Variants in RASSF4 observed in about 807,000 individuals in gnomAD.
The protein encoded by RASSF4 is Ras association domain family member 4.
A neutral mutation model predicts 41.1 loss-of-function variants in RASSF4; 38 were observed. The observed-to-expected ratio is 0.92, with a 90% CI of 0.71 to 1.21. RASSF4 has a LOEUF of 1.21. Ranked by LOEUF, RASSF4 falls within the 50% of genes most tolerant of loss-of-function variation. RASSF4 has a pLI of 0.00. For synonymous variants in RASSF4, 179 were observed against 163.4 expected (o/e 1.10, Z -0.73); for missense variants, 414 against 419.4 (o/e 0.99, Z 0.11).
intron 3 of RASSF4, chr10:44,977,881 G>C: frequency 6.2e-7 from 1 of 1,612,464 alleles, no homozygotes; most frequent in South Asian, 1.1e-5. Flanking sequence ...GCACAGAGGT[G>C]GGCTGTGCCA....
intron 3 of RASSF4, among the ~76,000 whole-genome samples, chr10:44,974,954 C>A (rs1841341005): frequency 6.6e-6 from 1 of 152,240 alleles, no homozygotes; most frequent in Admixed American, 6.5e-5. Context: ...AGGGCTTTAG[C>A]CAGGCTGGCT....
At chr10:44,978,674 T>A (rs1285007503) in intron 3 of RASSF4, 1 of 152,210 alleles carries the variant, frequency 6.6e-6, no homozygotes, top group Non-Finnish European at 1.5e-5. Flanking sequence ...GACAGTCCAG[T>A]CCAAAGGAAG....
rs550166847 is a variant in RASSF4 at position 44,961,953 on chromosome 10, A to G, written c.-39+2087A>G. On this transcript the variant is annotated intron_variant, in intron 1 of 10. Coordinates refer to ENST00000340258, the MANE Select transcript of RASSF4 (RefSeq NM_032023.4). The stretch of plus-strand genomic sequence containing the variant: ...TTATTTTTGTAAAAGAGAAACTTGT[A>G]GTTCCCGGGGTCTCCTTTTCTGGCT... Among the ~76,000 whole-genome samples the G allele has an allele frequency of 1.4e-3, 219 of 152,258 alleles. 2 individuals carry two copies. The highest frequency in any genetic ancestry group is 2.5e-3 in the Non-Finnish European group (167 of 68,042).
At chr10:44,991,187 C>T in intron 9 of RASSF4, 118 bp downstream of exon 9, 3 of 997,568 alleles carry the variant, frequency 3.0e-6, no homozygotes, top group Non-Finnish European at 4.2e-6. Flanking sequence ...GAGCTCCACA[C>T]TCTCCCAAAG....
intron 2 of RASSF4, 162 bp from the exon 3 acceptor site, chr10:44,971,611 C>G (rs1841170559): frequency 1.4e-6 from 1 of 721,512 alleles, no homozygotes; most frequent in South Asian, 1.4e-5. Flanking sequence ...CATCCGGGTG[C>G]ATTGCGATGG....
rs1564462852 is a variant in RASSF4, at chr10:44,982,620, C to T, written c.238C>T (p.Leu80Phe). 1 of 1,613,304 alleles carries T rather than the reference C, an allele frequency of 6.2e-7. No individual in the cohort carries two copies. Among genetic ancestry groups the T allele is most frequent in the Non-Finnish European group, 8.5e-7 (1 of 1,179,520 alleles). ...QMQDDREQVH[L>F]PSTSWMPRRP... is the part of the protein sequence containing the mutation. ...GCAGGATGACCGGGAGCAGGTGCAC[C>T]TCCCCTCCACCTCATGGATGCCCAG... The change falls in exon 4 of 11, where the codon CTC becomes TTC. Residue 80 changes from leucine (L) to phenylalanine (F), a missense_variant. Transcript: ENST00000340258.
chr10:44,966,590 A>C (rs1840911457), intron 1 of RASSF4, among the ~76,000 whole-genome samples: 1 of 152,224 alleles, frequency 6.6e-6, no homozygotes, highest in Non-Finnish European at 1.5e-5. Context: ...ATATCCAAGA[A>C]GATTCCTGGA....
chr10:44,965,499 G>A (rs1463120832), intron 1 of RASSF4, among the ~76,000 whole-genome samples: 1 of 152,164 alleles, frequency 6.6e-6, no homozygotes, highest in Non-Finnish European at 1.5e-5. Context: ...TATATGTTGG[G>A]GATAAAATAT....
In RASSF4 at chr10:44,991,013, A is replaced by T; in HGVS notation, c.751A>T (p.Lys251Ter). The T allele has an allele frequency of 6.2e-7, 1 of 1,613,904 alleles. No individual in the cohort carries two copies. Among genetic ancestry groups the T allele is most frequent in the East Asian group, 2.2e-5 (1 of 44,864 alleles). Residue 251 changes from lysine to a stop codon, truncating the protein, a stop_gained, in exon 9 of 11, where the codon AAG (lysine) becomes TAG (stop). Coordinates refer to ENST00000340258, the MANE Select transcript of RASSF4 (RefSeq NM_032023.4). LOFTEE classifies it high-confidence loss of function. ...ISRILHGPCEKIARIFLMEAD... is the reference protein window; with the variant it reads ...ISRILHGPCE ...CAGAATCCTGCATGGGCCATGTGAG[A>T]AGATCGCCAGGATCTTCCTGATGGA...
chr10:44,972,120 T>C (rs549186880), intron 3 of RASSF4, among the ~76,000 whole-genome samples: 1 of 152,238 alleles, frequency 6.6e-6, no homozygotes, highest in South Asian at 2.1e-4. Flanking sequence ...TCTTCCCCCT[T>C]TCCCCTTCCC....
rs1564458208 is a variant in RASSF4 at position 44,977,201 on chromosome 10, A to G, written c.139-5320A>G. 17 of 673,626 alleles carry G rather than the reference A, an allele frequency of 2.5e-5. No homozygotes were observed. The South Asian group carries it at 4.2e-4, about 17-fold the overall frequency. 41.7% of individuals were successfully genotyped at this position (673,626 alleles called of 1,614,324 possible). ...GGTCAGAGCGAACGGGATTGGTAAC[A>G]TCTCCTCATGTGAAACAGGCTGTTA... is the stretch of plus-strand genomic sequence containing the variant. On this transcript the variant is annotated intron_variant, in intron 3 of 10. Coordinates refer to ENST00000340258, the MANE Select transcript of RASSF4 (RefSeq NM_032023.4).
At chr10:44,966,001 C>T (rs898140449) in intron 1 of RASSF4, among the ~76,000 whole-genome samples, 2 of 152,198 alleles carry the variant, frequency 1.3e-5, no homozygotes. Context: ...TAGTATTACC[C>T]AGAGCTCTAG....
At chr10:44,969,252 C>T (rs887431211) in intron 1 of RASSF4, among the ~76,000 whole-genome samples, 1 of 151,916 alleles carries the variant, frequency 6.6e-6, no homozygotes, top group Non-Finnish European at 1.5e-5. Flanking sequence ...CCAACAGGTT[C>T]GAGAAAGCTC....
intron 3 of RASSF4, among the ~76,000 whole-genome samples, chr10:44,975,345 C>G (rs1841365473): frequency 6.6e-6 from 1 of 152,078 alleles, no homozygotes; most frequent in African/African-American, 2.4e-5. Context: ...CATCTGTTTT[C>G]TGGGAGCCGC....
Position 44,991,011 on chromosome 10 carries a change from A to G in RASSF4, c.749A>G (p.Glu250Gly), listed in dbSNP as rs1471620394. ...TCCAGAATCCTGCATGGGCCATGTG[A>G]GAAGATCGCCAGGATCTTCCTGATG... ...LISRILHGPC[E>G]KIARIFLMEA... The change falls in exon 9 of 11, where the codon GAG (glutamate) becomes GGG (glycine). Residue 250 changes from glutamate to glycine, a missense_variant. Coordinates refer to ENST00000340258, the MANE Select transcript of RASSF4 (RefSeq NM_032023.4). The G allele has an allele frequency of 6.2e-7, 1 of 1,613,630 alleles. No individual in the cohort carries two copies. Among genetic ancestry groups the G allele is most frequent in the Non-Finnish European group, 8.5e-7 (1 of 1,179,714 alleles).
intron 7 of RASSF4, 72 bp from the exon 8 acceptor site, chr10:44,989,598 T>C (rs1588846895): frequency 7.2e-7 from 1 of 1,385,886 alleles, no homozygotes; most frequent in African/African-American, 1.4e-5. Context: ...GTGTAGTTAC[T>C]GTCAGGGGAC....
intron 3 of RASSF4, chr10:44,977,792 A>G: frequency 6.2e-7 from 1 of 1,600,590 alleles, no homozygotes; most frequent in Non-Finnish European, 8.5e-7. Context: ...TCGCAGGGAC[A>G]CAGCAGGGCG....
chr10:44,983,708 G>T (rs1275708126), intron 4 of RASSF4: 3 of 320,062 alleles, frequency 9.4e-6, no homozygotes, highest in South Asian at 3.4e-5. Context: ...TGCTGGCCTG[G>T]CTAAGCCTGG....
intron 6 of RASSF4, 135 bp downstream of exon 6, chr10:44,985,105 C>A: frequency 2.3e-6 from 2 of 881,374 alleles, no homozygotes; most frequent in African/African-American, 1.7e-5. Context: ...GTTGCATCCA[C>A]ATAACAGCCC....
Sources: gnomAD v4.1 joint callset for allele counts (sites outside exome capture counted in the v4.1 genomes callset) on GRCh38, gnomAD v4.1.1 for gene constraint, MANE v1.5 for transcripts, NCBI Gene and HGNC (gene_info 2026-07-23, HGNC 2026-07-21) for gene names.